The following CNGB1 variants were observed in gnomAD, a reference collection of about 807,000 sequenced individuals.
CNGB1 encodes the protein cyclic nucleotide gated channel subunit beta 1.
In CNGB1, 126 loss-of-function variants were observed where a neutral mutation model predicts 151.7. The observed-to-expected ratio is 0.83, with a 90% confidence interval of 0.72 to 0.96. CNGB1 has a LOEUF of 0.96. CNGB1 is among the 40% of genes least tolerant of loss of function. The pLI is 0.00. For missense variants in CNGB1, 1,698 were observed against 1,627.0 expected (o/e 1.04, Z -0.75); for synonymous variants, 623 against 635.1 (o/e 0.98, Z 0.29).
intron 17 of CNGB1, among the ~76,000 whole-genome samples, chr16:57,927,088 C>T (rs188773701): frequency 2.3e-4 from 35 of 152,354 alleles, no homozygotes; most frequent in African/African-American, 8.4e-4. Context: ...TCCCCCAGCA[C>T]TGCCTGTGTC....
At chr16:57,913,108 G>T in intron 23 of CNGB1, 114 bp from the exon 24 acceptor site, 1 of 922,068 alleles carries the variant, frequency 1.1e-6, no homozygotes. Flanking sequence ...GAGGGAACAG[G>T]ACGGTGAGCA....
chr16:57,896,503 A>G (rs4447419), intron 31 of CNGB1, among the ~76,000 whole-genome samples: 12,049 of 151,908 alleles, frequency 0.079, 1,476 homozygotes, highest in African/African-American at 0.26. Flanking sequence ...TCACGATGTC[A>G]GGAGTTTGAG....
At chr16:57,910,181 C>T (rs375333942) in intron 25 of CNGB1, among the ~76,000 whole-genome samples, 8 of 152,184 alleles carry the variant, frequency 5.3e-5, no homozygotes, top group African/African-American at 1.9e-4. Context: ...TCATTGTACC[C>T]CTCCAGCGTT....
intron 32 of CNGB1, 121 bp downstream of exon 32, chr16:57,887,734 G>A: frequency 3.1e-6 from 3 of 965,930 alleles, no homozygotes; most frequent in Non-Finnish European, 3.3e-6. Flanking sequence ...AGCCCTGACT[G>A]ATAGAAAAAG....
intron 12 of CNGB1, among the ~76,000 whole-genome samples, 182 bp from the exon 13 acceptor site, chr16:57,950,722 G>A (rs1266866108): frequency 2.0e-5 from 3 of 152,254 alleles, no homozygotes; most frequent in Non-Finnish European, 4.4e-5. Context: ...CCGGTGATAG[G>A]TTGAAGCCTG....
chr16:57,895,616 G>C (rs1960202923), intron 31 of CNGB1, among the ~76,000 whole-genome samples: 1 of 151,176 alleles, frequency 6.6e-6, no homozygotes, highest in African/African-American at 2.4e-5. Flanking sequence ...TCTTGGTTCT[G>C]TCTGCTGCAG....
At chr16:57,959,650 T>C (rs1330312473) in intron 10 of CNGB1, among the ~76,000 whole-genome samples, 1 of 152,104 alleles carries the variant, frequency 6.6e-6, no homozygotes, top group Admixed American at 6.5e-5. Flanking sequence ...CAGACGAGTA[T>C]GTATAGTTTG....
At chr16:57,938,192 G>A (rs904178371) in intron 16 of CNGB1, among the ~76,000 whole-genome samples, 25 of 152,208 alleles carry the variant, frequency 1.6e-4, no homozygotes, top group African/African-American at 6.0e-4. Flanking sequence ...CACCTGGGAA[G>A]GGGCAGAACC....
chr16:57,903,699 G>A, intron 27 of CNGB1, 123 bp downstream of exon 27: 1 of 1,216,502 alleles, frequency 8.2e-7, no homozygotes, highest in East Asian at 2.5e-5. Context: ...GCCAAGACAG[G>A]CCCCAGTACT....
At chr16:57,918,326 C>G (rs181130713) in intron 20 of CNGB1, among the ~76,000 whole-genome samples, 44 of 151,968 alleles carry the variant, frequency 2.9e-4, no homozygotes, top group Non-Finnish European at 4.7e-4. Context: ...GTCCTGCCCC[C>G]CAAATGTGTG....
intron 27 of CNGB1, among the ~76,000 whole-genome samples, chr16:57,903,551 T>C (rs74019718): frequency 0.014 from 2,112 of 152,206 alleles, 47 homozygotes; most frequent in African/African-American, 0.049. Context: ...TGGATGGGGA[T>C]GCATTTCAAG....
At chr16:57,906,273 G>A (rs1309310126) in intron 25 of CNGB1, among the ~76,000 whole-genome samples, 2 of 152,202 alleles carry the variant, frequency 1.3e-5, no homozygotes, top group African/African-American at 4.8e-5. Context: ...GTCCCTTACA[G>A]AAGACCATGA....
At chr16:57,888,461 GTCTCTGTC>G (rs754639289) in intron 31 of CNGB1, among the ~76,000 whole-genome samples, 815 of 145,970 alleles carry the variant, frequency 5.6e-3, no homozygotes, top group Non-Finnish European at 9.4e-3. Flanking sequence ...CTCTGTCTCT[GTCTCTGTC>G]TCTCTCTCTC....
At chr16:57,951,253 C>G (rs1227513594) in intron 12 of CNGB1, among the ~76,000 whole-genome samples, 3 of 152,220 alleles carry the variant, frequency 2.0e-5, no homozygotes, top group African/African-American at 7.2e-5. Flanking sequence ...AGCCTACCCC[C>G]AGGCAGGTGT....
intron 31 of CNGB1, among the ~76,000 whole-genome samples, chr16:57,888,585 G>A (rs1291106021): frequency 1.3e-5 from 2 of 151,912 alleles, no homozygotes; most frequent in African/African-American, 4.8e-5. Flanking sequence ...CCTCCCACCT[G>A]AGTAGCTGGA....
chr16:57,896,915 A>T (rs1960245141), intron 31 of CNGB1, among the ~76,000 whole-genome samples: 1 of 152,142 alleles, frequency 6.6e-6, no homozygotes, highest in South Asian at 2.1e-4. Flanking sequence ...AAAGAAGAAA[A>T]GGTACAAAGG....
chr16:57,888,091 T>A lies in CNGB1; in HGVS notation c.3243-17A>T, dbSNP rs1959984280. Reference sequence around the variant, plus strand: ...AGCATGCGCCTGGAAGAAAGCAGCATCCATTGACATCACAGACGCACTCTG... The same window carrying A: ...AGCATGCGCCTGGAAGAAAGCAGCAACCATTGACATCACAGACGCACTCTG... On this transcript the variant is annotated splice_polypyrimidine_tract_variant and intron_variant, in intron 31 of 32. Transcript: ENST00000251102. 1.1e-5 allele frequency: 18 copies of A among 1,610,432 alleles called. No homozygotes were observed. The highest frequency in any genetic ancestry group is 1.4e-5 in the Non-Finnish European group (17 of 1,177,924).
intron 31 of CNGB1, among the ~76,000 whole-genome samples, chr16:57,897,092 G>A (rs1252554173): frequency 3.3e-5 from 5 of 152,092 alleles, no homozygotes; most frequent in African/African-American, 4.8e-5. Context: ...GTGAGCCCAG[G>A]AGTTTGATAC....
chr16:57,939,943 C>T (rs1269782966), intron 15 of CNGB1, among the ~76,000 whole-genome samples: 2 of 152,192 alleles, frequency 1.3e-5, no homozygotes, highest in Admixed American at 1.3e-4. Flanking sequence ...CGTCTGTAGC[C>T]CCCTCGTGCA....
Sources: gnomAD v4.1 joint callset for allele counts (sites outside exome capture counted in the v4.1 genomes callset) on GRCh38, gnomAD v4.1.1 for gene constraint, MANE v1.5 for transcripts, NCBI Gene and HGNC (gene_info 2026-07-23, HGNC 2026-07-21) for gene names.